Variants in SEMA3D observed in about 807,000 individuals in gnomAD.
SEMA3D encodes the protein semaphorin-3D.
SEMA3D carries 84 observed loss-of-function variants against 100.1 expected under a neutral mutation model. The ratio of observed to expected loss-of-function variants is 0.84; its 90% CI spans 0.70 to 1.01. The LOEUF (loss-of-function observed/expected upper bound fraction) is 1.01, where lower values mean the gene tolerates loss of function less well. Ranked by LOEUF, SEMA3D falls within the 50% of genes least tolerant of loss-of-function variation. The probability of loss-of-function intolerance (pLI) is 0.00; values close to 1 mark genes in which losing one functional copy is unlikely to be tolerated. For synonymous variants in SEMA3D, 312 were observed against 320.7 expected, an observed-to-expected ratio of 0.97 and a Z score of 0.29; for missense variants, 875 against 934.1, an observed-to-expected ratio of 0.94 and a Z score of 0.82.
chr7:85,030,339 A>G (rs1790512614), intron 12 of SEMA3D, among the ~76,000 whole-genome samples: 1 of 152,162 alleles, frequency 6.6e-6, no homozygotes, highest in Admixed American at 6.6e-5. Flanking sequence ...AATATTTAAA[A>G]AGTACCTATA....
intron 3 of SEMA3D, among the ~76,000 whole-genome samples, chr7:85,107,712 C>G (rs1788971636): frequency 6.6e-6 from 1 of 151,910 alleles, no homozygotes. Flanking sequence ...TTCTTCCTTA[C>G]TCTTCTTTCC....
At chr7:85,000,187 A>G (rs2115700989) in intron 18 of SEMA3D, among the ~76,000 whole-genome samples, 1 of 152,284 alleles carries the variant, frequency 6.6e-6, no homozygotes, top group East Asian at 1.9e-4. Context: ...AAAACTGGAA[A>G]CCATCAAGTG....
At chr7:85,017,939 G>C (rs1045186576) in intron 15 of SEMA3D, among the ~76,000 whole-genome samples, 3 of 151,692 alleles carry the variant, frequency 2.0e-5, no homozygotes, top group African/African-American at 7.3e-5. Context: ...CTTTGTAATG[G>C]TTAGGGTTGA....
At chr7:85,181,300 A>C (rs1353534833) in intron 1 of SEMA3D, among the ~76,000 whole-genome samples, 1 of 147,980 alleles carries the variant, frequency 6.8e-6, no homozygotes, top group African/African-American at 2.5e-5. Flanking sequence ...GAAATGACAA[A>C]GAATAAAGAC....
chr7:85,111,098 C>A (rs983539753), intron 3 of SEMA3D, among the ~76,000 whole-genome samples: 1 of 152,026 alleles, frequency 6.6e-6, no homozygotes, highest in Non-Finnish European at 1.5e-5. Flanking sequence ...CCTGGGCATT[C>A]CTTTTCAGTT....
intron 1 of SEMA3D, among the ~76,000 whole-genome samples, chr7:85,171,397 A>G (rs1229664007): frequency 6.6e-6 from 1 of 152,012 alleles, no homozygotes; most frequent in African/African-American, 2.4e-5. Flanking sequence ...GAAAGCAACC[A>G]TGATGGAGCT....
chr7:85,174,188 A>G (rs1199251528), intron 1 of SEMA3D, among the ~76,000 whole-genome samples: 1 of 152,154 alleles, frequency 6.6e-6, no homozygotes, highest in African/African-American at 2.4e-5. Context: ...CCTTTTGTTG[A>G]TTTGTGTTTG....
At chr7:85,003,621 C>T (rs1789714797) in intron 18 of SEMA3D, among the ~76,000 whole-genome samples, 1 of 151,550 alleles carries the variant, frequency 6.6e-6, no homozygotes, top group East Asian at 1.9e-4. Flanking sequence ...ATATGTATAA[C>T]ATTAAATTAT....
chr7:85,118,134 C>A (rs1471862899), intron 3 of SEMA3D, among the ~76,000 whole-genome samples: 1 of 152,002 alleles, frequency 6.6e-6, no homozygotes, highest in Non-Finnish European at 1.5e-5. Flanking sequence ...TATCTCCAAT[C>A]TTTAATTCAT....
At chr7:85,210,422 A>G in the SEMA3D span, among the ~76,000 whole-genome samples, 1 of 152,212 alleles carries the variant, frequency 6.6e-6, no homozygotes, top group East Asian at 1.9e-4. Context: ...GACATTCCAT[A>G]GTTAATTGGA....
At chr7:85,008,739 A>G (rs1789870306) in intron 17 of SEMA3D, among the ~76,000 whole-genome samples, 1 of 151,790 alleles carries the variant, frequency 6.6e-6, no homozygotes, top group Admixed American at 6.6e-5. Context: ...TATTGGTAAC[A>G]TATAAATTCA....
intron 12 of SEMA3D, among the ~76,000 whole-genome samples, chr7:85,031,409 A>G (rs1790545647): frequency 6.6e-6 from 1 of 152,060 alleles, no homozygotes; most frequent in South Asian, 2.1e-4. Flanking sequence ...CAATACTTTT[A>G]TTAAAGTAAG....
At chr7:85,229,871 G>T in the SEMA3D span, among the ~76,000 whole-genome samples, 1 of 151,670 alleles carries the variant, frequency 6.6e-6, no homozygotes, top group Non-Finnish European at 1.5e-5. Context: ...CCATCTTTTT[G>T]AACCTATTTT....
intron 12 of SEMA3D, chr7:85,028,383 A>C: frequency 3.0e-6 from 1 of 331,310 alleles, no homozygotes; most frequent in African/African-American, 3.1e-5. Context: ...TACAGTTTAG[A>C]CAAAAAAAAA....
intron 14 of SEMA3D, among the ~76,000 whole-genome samples, chr7:85,018,593 G>A (rs915544409): frequency 7.9e-5 from 12 of 151,648 alleles, no homozygotes; most frequent in African/African-American, 2.9e-4. Context: ...TTCTAAATCT[G>A]CTTATCTTAA....
chr7:85,236,455 G>A, the SEMA3D span, among the ~76,000 whole-genome samples: 2 of 151,360 alleles, frequency 1.3e-5, no homozygotes, highest in East Asian at 1.9e-4. Flanking sequence ...CTACAGGCAC[G>A]AGCCACCATG....
In SEMA3D at chr7:85,160,594, ACAT is replaced by A. The variant is rs552472026; in HGVS notation, c.-172-6858_-172-6856del. Among the ~76,000 whole-genome samples, 47 of 152,162 alleles carry A rather than the reference ACAT, an allele frequency of 3.1e-4. No individual in the cohort carries two copies. In the South Asian group the frequency reaches 8.1e-3, roughly 26 times the overall value. On this transcript the variant is annotated intron_variant, in intron 1 of 18. Coordinates refer to ENST00000284136, the MANE Select transcript of SEMA3D (RefSeq NM_001384900.1). ...AATGAGAACCTTGGGGAACAAGAAA[ACAT>A]CATAGCAGCACAGGAGGTAATGGGA...
chr7:85,152,396 G>A (rs1369464140), intron 2 of SEMA3D, among the ~76,000 whole-genome samples: 2 of 152,060 alleles, frequency 1.3e-5, no homozygotes, highest in African/African-American at 4.8e-5. Context: ...CATTGTTCTT[G>A]CCCTAAAATT....
intron 6 of SEMA3D, 29 bp downstream of exon 6, chr7:85,072,933 A>G (rs1791815714): frequency 6.5e-7 from 1 of 1,545,166 alleles, no homozygotes; most frequent in African/African-American, 1.4e-5. Flanking sequence ...ACAATAAATT[A>G]TGCTTTTCAT....
Sources: gnomAD v4.1 joint callset for allele counts (sites outside exome capture counted in the v4.1 genomes callset) on GRCh38, gnomAD v4.1.1 for gene constraint, MANE v1.5 for transcripts, NCBI Gene and HGNC (gene_info 2026-07-23, HGNC 2026-07-21) for gene names.